MBD2: variants seen among roughly 807,000 people sequenced by gnomAD.
The protein encoded by MBD2 is methyl-CpG binding domain protein 2.
MBD2 carries 9 observed loss-of-function variants against 39.3 expected under a neutral mutation model. The observed-to-expected ratio is 0.23, with a 90% CI of 0.14 to 0.40. The LOEUF is 0.40. Among genes scored for constraint, MBD2 ranks in the 10% least tolerant of loss-of-function variants. The pLI is 1.00. For missense variants in MBD2, 458 were observed against 532.6 expected (o/e 0.86, Z 1.38); for synonymous variants, 233 against 211.1 (o/e 1.10, Z -0.90).
At chr18:54,167,391 A>G (rs1486433400) in intron 3 of MBD2, among the ~76,000 whole-genome samples, 1 of 152,230 alleles carries the variant, frequency 6.6e-6, no homozygotes, top group Non-Finnish European at 1.5e-5. Context: ...ACCTCTTCAG[A>G]ATCTTCAATT....
intron 3 of MBD2, among the ~76,000 whole-genome samples, chr18:54,177,827 CTTTTTTTTTTT>C (rs34113185): frequency 4.6e-5 from 4 of 87,198 alleles, no homozygotes; most frequent in Admixed American, 3.4e-4. Flanking sequence ...TTTTTCCTCT[CTTTTTTTTTTT>C]TTTTTTTTTT....
chr18:54,202,306 C>T (rs1437835425), intron 2 of MBD2, among the ~76,000 whole-genome samples: 2 of 152,062 alleles, frequency 1.3e-5, no homozygotes, highest in African/African-American at 4.8e-5. Flanking sequence ...CCAGCCTGGG[C>T]GACAGAGCAA....
intron 3 of MBD2, among the ~76,000 whole-genome samples, chr18:54,166,653 G>T (rs1280722095): frequency 6.6e-6 from 1 of 152,142 alleles, no homozygotes; most frequent in Non-Finnish European, 1.5e-5. Context: ...AGGGAGAAAA[G>T]ACCATTTTCA....
chr18:54,202,258 C>T (rs952744686), intron 2 of MBD2, among the ~76,000 whole-genome samples: 1 of 151,610 alleles, frequency 6.6e-6, no homozygotes, highest in Non-Finnish European at 1.5e-5. Flanking sequence ...AAGAGACAAT[C>T]GCTTGAACTT....
In MBD2 at chr18:54,154,411, C is replaced by T. The variant is rs748859441; in HGVS notation, c.*913G>A. 2.6e-5 allele frequency: 4 copies of T among 152,118 alleles called. No homozygotes were observed. The highest frequency in any genetic ancestry group is 4.4e-5 in the Non-Finnish European group (3 of 68,032). The allele number at this position is 152,118 out of a possible 1,614,324, so 9.4% of individuals were successfully genotyped here. ...GTCTAGAAGCTGCCTCTCACTGTAG[C>T]CAAGAGTCTGACCTGCACCTGATAA... On this transcript the variant is annotated 3_prime_UTR_variant, in exon 7 of 7. Transcript: ENST00000256429.
In MBD2 at chr18:54,171,003, T is replaced by C. The variant is rs575812304; in HGVS notation, c.841-4837A>G. On this transcript the variant is annotated intron_variant, in intron 3 of 6. Coordinates refer to ENST00000256429, the MANE Select transcript of MBD2 (RefSeq NM_003927.5). ...CCTCATCCCCAGAGATTCTATTCAA[T>C]AGATCTGGGATTAGAAAGCTAGTTT... Among the ~76,000 whole-genome samples, 45 of 152,264 alleles carry C rather than the reference T, an allele frequency of 3.0e-4. No homozygotes were observed. In the South Asian group the frequency reaches 6.6e-3, roughly 22 times the overall value.
chr18:54,177,827 C>CTTTT (rs34113185), intron 3 of MBD2, among the ~76,000 whole-genome samples: 254 of 87,136 alleles, frequency 2.9e-3, no homozygotes, highest in Non-Finnish European at 3.2e-3. Context: ...TTTTTCCTCT[C>CTTTT]TTTTTTTTTT....
intron 1 of MBD2, among the ~76,000 whole-genome samples, chr18:54,205,983 C>G (rs1017249996): frequency 6.7e-6 from 1 of 150,296 alleles, no homozygotes; most frequent in Admixed American, 6.7e-5. Flanking sequence ...CACACACACA[C>G]AAATATGTGG....
intron 3 of MBD2, among the ~76,000 whole-genome samples, chr18:54,180,897 C>CCTTTTTTTTTTTTTTTTTTTTTTTTTTT (rs2086246150): frequency 9.5e-6 from 1 of 105,372 alleles, no homozygotes; most frequent in African/African-American, 3.9e-5. Flanking sequence ...TTAATTTTTT[C>CCTTTTTTTTTTTTTTTTTTTTTTTTTTT]TTTTTCTTTT....
intron 3 of MBD2, among the ~76,000 whole-genome samples, chr18:54,177,485 C>CT (rs777049215): frequency 7.4e-4 from 107 of 145,100 alleles, no homozygotes; most frequent in Middle Eastern, 3.6e-3. Context: ...AAATTAATTC[C>CT]TTTTTTTTTT....
intron 6 of MBD2, among the ~76,000 whole-genome samples, chr18:54,159,537 C>T (rs1049056012): frequency 1.2e-4 from 18 of 151,982 alleles, no homozygotes; most frequent in Admixed American, 9.8e-4. Context: ...CCCACCTCAG[C>T]CTCCTGAGTA....
Position 54,224,192 on chromosome 18 carries a change from C to T in MBD2, c.368G>A (p.Arg123Gln). 22 of 1,215,668 alleles carry T rather than the reference C, an allele frequency of 1.8e-5. No individual in the cohort carries two copies. Among genetic ancestry groups the T allele is most frequent in the Non-Finnish European group, 1.9e-5 (19 of 978,718 alleles). 75.3% of individuals were successfully genotyped at this position (1,215,668 alleles called of 1,614,324 possible). ...GGGSGGGGAPRREPVPFPSGS... is the reference protein window; with the variant it reads ...GGGSGGGGAPQREPVPFPSGS... ...CGACGGGAAAGGGACCGGCTCCCGC[C>T]GGGGGGCGCCGCCGCCACCGCTGCC... is the stretch of plus-strand genomic sequence containing the variant. Residue 123 changes from arginine to glutamine, a missense_variant, in exon 1 of 7, where the codon CGG (arginine) becomes CAG (glutamine). By Grantham distance (43) the Arg-to-Gln change is conservative. Around this residue, in one of 2 missense-constraint regions of MBD2, gnomAD observed 269 missense variants for 236.0 expected, o/e 1.14. Transcript: ENST00000256429.
chr18:54,166,192 T>C, intron 3 of MBD2, 26 bp from the exon 4 acceptor site: 1 of 1,412,044 alleles, frequency 7.1e-7, no homozygotes, highest in Non-Finnish European at 1.0e-6. Context: ...TCACTGTTAA[T>C]AGATACATTT....
Position 54,224,281 on chromosome 18 carries a change from GCCCCGGCCCCGGCCCCGT to G in MBD2, c.261_278del (p.Gly91_Arg96del). On this transcript the variant is annotated inframe_deletion, in exon 1 of 7. Coordinates refer to ENST00000256429, the MANE Select transcript of MBD2 (RefSeq NM_003927.5). Reference sequence around the variant, plus strand: ...TGCCGCCACTCGGGGGACGGCCGCGGCCCCGGCCCCGGCCCCGTCCCCGTCCCCGGCCACGGCCCCGGC... The same window carrying G: ...TGCCGCCACTCGGGGGACGGCCGCGGCCCCGTCCCCGGCCACGGCCCCGGC... The G allele has an allele frequency of 2.2e-6, 2 of 927,912 alleles. No individual in the cohort carries two copies. Among genetic ancestry groups the G allele is most frequent in the Non-Finnish European group, 2.6e-6 (2 of 781,406 alleles). 57.5% of individuals were successfully genotyped at this position (927,912 alleles called of 1,614,324 possible).
intron 1 of MBD2, among the ~76,000 whole-genome samples, chr18:54,217,105 A>AAAACC (rs2086567967): frequency 6.6e-6 from 1 of 152,316 alleles, no homozygotes; most frequent in African/African-American, 2.4e-5. Context: ...AAAACAAAAC[A>AAAACC]AAATAAAAAA....
chr18:54,162,718 G>C (rs372384520), intron 5 of MBD2, among the ~76,000 whole-genome samples: 3 of 152,246 alleles, frequency 2.0e-5, no homozygotes, highest in African/African-American at 4.8e-5. Context: ...TCTTCCTCAA[G>C]GGTAAGAACA....
intron 2 of MBD2, among the ~76,000 whole-genome samples, chr18:54,190,474 C>T (rs1021830939): frequency 6.6e-6 from 1 of 152,114 alleles, no homozygotes; most frequent in Non-Finnish European, 1.5e-5. Context: ...CGCCTGGCAC[C>T]CTGAGTTGCT....
chr18:54,189,182 G>A (rs1028455910), intron 2 of MBD2, among the ~76,000 whole-genome samples, 171 bp from the exon 3 acceptor site: 1 of 150,754 alleles, frequency 6.6e-6, no homozygotes, highest in Non-Finnish European at 1.5e-5. Flanking sequence ...AGTGAAACAT[G>A]TATGAAGTTT....
In MBD2 at chr18:54,224,004, C is replaced by G. The variant is rs1477162928; in HGVS notation, c.542+14G>C. The G allele has an allele frequency of 6.3e-7, 1 of 1,596,584 alleles. No individual in the cohort carries two copies. Among genetic ancestry groups the G allele is most frequent in the African/African-American group, 1.4e-5 (1 of 74,000 alleles). On this transcript the variant is annotated intron_variant, in intron 1 of 6. Transcript: ENST00000256429. Reference sequence around the variant, plus strand: ...CCTGACCCCGCCACCCCCTCCCCGCCCCCAGGGAGGTACCTGAAGTAGTAG... The same window carrying G: ...CCTGACCCCGCCACCCCCTCCCCGCGCCCAGGGAGGTACCTGAAGTAGTAG...
Sources: allele counts gnomAD v4.1 joint callset (sites outside exome capture counted in the v4.1 genomes callset), GRCh38; gene constraint gnomAD v4.1.1; regional missense constraint gnomAD v4.1.1; transcripts MANE v1.5; gene names NCBI Gene and HGNC (gene_info 2026-07-23, HGNC 2026-07-21).